The following XRCC2 variants were observed in gnomAD, a reference collection of about 807,000 sequenced individuals.
XRCC2 encodes DNA repair protein XRCC2.
In XRCC2, 24 loss-of-function variants were observed where a neutral mutation model predicts 27.3. The ratio of observed to expected loss-of-function variants is 0.88; its 90% CI spans 0.64 to 1.24. XRCC2 has a LOEUF of 1.24. Ranked by LOEUF, XRCC2 falls within the 50% of genes most tolerant of loss-of-function variation. XRCC2 has a pLI of 0.00. For missense variants in XRCC2, 321 were observed against 325.8 expected (o/e 0.99, Z 0.11); for synonymous variants, 106 against 115.4 (o/e 0.92, Z 0.52).
chr7:152,657,878 A>G (rs2098031352), intron 2 of XRCC2, among the ~76,000 whole-genome samples: 1 of 152,128 alleles, frequency 6.6e-6, no homozygotes, highest in Non-Finnish European at 1.5e-5. Flanking sequence ...AAAAGAAAAC[A>G]GTAAAGGAGA....
intron 1 of XRCC2, 107 bp downstream of exon 1, chr7:152,675,934 C>G: frequency 6.7e-7 from 1 of 1,491,924 alleles, no homozygotes; most frequent in Non-Finnish European, 9.2e-7. Flanking sequence ...CCAGCCCGGC[C>G]AGGCCGCGCC....
intron 2 of XRCC2, among the ~76,000 whole-genome samples, chr7:152,660,148 G>A (rs2098032456): frequency 6.6e-6 from 1 of 152,082 alleles, no homozygotes; most frequent in South Asian, 2.1e-4. Flanking sequence ...GGGAACATGG[G>A]AGATGATGAT....
At chr7:152,662,219 G>C (rs962490771) in intron 1 of XRCC2, among the ~76,000 whole-genome samples, 3 of 152,076 alleles carry the variant, frequency 2.0e-5, no homozygotes, top group Non-Finnish European at 4.4e-5. Context: ...GCTCCCATCG[G>C]CCTCCCAATC....
At chr7:152,654,971 A>C (rs1422260872) in intron 2 of XRCC2, among the ~76,000 whole-genome samples, 2 of 152,212 alleles carry the variant, frequency 1.3e-5, no homozygotes, top group Non-Finnish European at 2.9e-5. Context: ...AAAACCTGTA[A>C]TCAAATATTA....
intron 1 of XRCC2, among the ~76,000 whole-genome samples, chr7:152,661,236 ACT>A (rs1391949715): frequency 1.3e-5 from 2 of 152,222 alleles, no homozygotes; most frequent in African/African-American, 4.8e-5. Context: ...CAGATATTTT[ACT>A]TTTTGTTTAT....
intron 1 of XRCC2, among the ~76,000 whole-genome samples, chr7:152,663,244 C>T (rs1277675940): frequency 1.4e-5 from 2 of 147,658 alleles, no homozygotes; most frequent in Admixed American, 7.0e-5. Context: ...TGACAGCTAG[C>T]GTAATCAAGG....
At chr7:152,668,746 C>T (rs1429889180) in intron 1 of XRCC2, among the ~76,000 whole-genome samples, 1 of 152,202 alleles carries the variant, frequency 6.6e-6, no homozygotes, top group Non-Finnish European at 1.5e-5. Flanking sequence ...TTGACAGTTT[C>T]ACTAATATTG....
At chr7:152,657,768 A>T (rs1389107022) in intron 2 of XRCC2, among the ~76,000 whole-genome samples, 1 of 152,212 alleles carries the variant, frequency 6.6e-6, no homozygotes, top group South Asian at 2.1e-4. Context: ...TTATGATCTT[A>T]CTTGTAATCC....
At chr7:152,675,920 G>T (rs1457967332) in intron 1 of XRCC2, 121 bp downstream of exon 1, 1 of 1,361,382 alleles carries the variant, frequency 7.3e-7, no homozygotes, top group Non-Finnish European at 1.0e-6. Flanking sequence ...CCGAGAGGCC[G>T]GTCCCAGCCC....
chr7:152,649,610 G>A (rs1467654140), intron 2 of XRCC2, among the ~76,000 whole-genome samples: 1 of 152,138 alleles, frequency 6.6e-6, no homozygotes, highest in South Asian at 2.1e-4. Flanking sequence ...ACTTCAATTT[G>A]TAAGATTCAA....
At chr7:152,661,185 G>C (rs2098032945) in intron 1 of XRCC2, among the ~76,000 whole-genome samples, 1 of 152,094 alleles carries the variant, frequency 6.6e-6, no homozygotes. Flanking sequence ...ATATGAAATA[G>C]GAAATATAGT....
chr7:152,662,816 G>A (rs1271037805), intron 1 of XRCC2, among the ~76,000 whole-genome samples: 2 of 151,540 alleles, frequency 1.3e-5, no homozygotes, highest in Admixed American at 6.6e-5. Flanking sequence ...CTCGTGATCC[G>A]CCCGCCTCGG....
Position 152,649,019 on chromosome 7 carries a change from A to G in XRCC2, c.466T>C (p.Trp156Arg), listed in dbSNP as rs2116987795. 3 of 1,614,244 alleles carry G rather than the reference A, an allele frequency of 1.9e-6. No individual in the cohort carries two copies. The highest frequency in any genetic ancestry group is 2.5e-6 in the Non-Finnish European group (3 of 1,180,044). ...TCTCCTCCATTGACGCGGTCTATCC[A>G]GTAAAAAGCTGACAGGCTATCCAAA... is the stretch of plus-strand genomic sequence containing the variant. ...LILDSLSAFY[W>R]IDRVNGGESV... The change falls in exon 3 of 3, where the codon TGG (tryptophan) becomes CGG (arginine). Residue 156 changes from tryptophan (W) to arginine (R), a missense_variant. Transcript: ENST00000359321.
At chr7:152,663,996 A>G (rs542027197) in intron 1 of XRCC2, 1 of 152,250 alleles carries the variant, frequency 6.6e-6, no homozygotes, top group Non-Finnish European at 1.5e-5. Flanking sequence ...CTATGTCCAC[A>G]TGGCAGAGCC....
chr7:152,665,485 ACC>A (rs1353011408), intron 1 of XRCC2, among the ~76,000 whole-genome samples: 3 of 51,800 alleles, frequency 5.8e-5, no homozygotes, highest in African/African-American at 1.8e-4. Context: ...TGTAAGACAA[ACC>A]TTTTTTTTTT....
intron 2 of XRCC2, among the ~76,000 whole-genome samples, chr7:152,654,286 G>GA (rs996516285): frequency 2.7e-5 from 4 of 150,864 alleles, no homozygotes; most frequent in African/African-American, 7.3e-5. Flanking sequence ...AAATAATAGA[G>GA]AAAAAACAAA....
intron 1 of XRCC2, among the ~76,000 whole-genome samples, chr7:152,671,302 C>T (rs1471831663): frequency 6.6e-6 from 1 of 152,166 alleles, no homozygotes; most frequent in Non-Finnish European, 1.5e-5. Context: ...ATACCTTCAC[C>T]TAGATCCACC....
intron 1 of XRCC2, among the ~76,000 whole-genome samples, chr7:152,664,537 G>A (rs1590135802): frequency 6.6e-6 from 1 of 152,248 alleles, no homozygotes; most frequent in Non-Finnish European, 1.5e-5. Context: ...ACTTACCCCA[G>A]TGCCGCCTGT....
intron 1 of XRCC2, among the ~76,000 whole-genome samples, chr7:152,673,683 T>C (rs3218393): frequency 0.037 from 5,559 of 151,898 alleles, 146 homozygotes; most frequent in East Asian, 0.13. Context: ...CTGGCCAACA[T>C]AGTGAAACCC....
Sources: allele counts gnomAD v4.1 joint callset (sites outside exome capture counted in the v4.1 genomes callset), GRCh38; gene constraint gnomAD v4.1.1; transcripts MANE v1.5; gene names NCBI Gene and HGNC (gene_info 2026-07-23, HGNC 2026-07-21).